FOXP1: variants seen among roughly 807,000 people sequenced by gnomAD.
The protein encoded by FOXP1 is forkhead box P1.
FOXP1 carries 15 observed loss-of-function variants against 98.2 expected under a neutral mutation model. That is an observed-to-expected ratio of 0.15 (90% CI 0.10 to 0.24). The LOEUF is 0.24. FOXP1 is among the 10% of genes least tolerant of loss of function. FOXP1 has a pLI of 1.00. For synonymous variants in FOXP1, 371 were observed against 314.5 expected (o/e 1.18, Z -1.90); for missense variants, 633 against 848.5 (o/e 0.75, Z 3.15).
At chr3:71,549,424 G>A (rs2045603536) in intron 2 of FOXP1, among the ~76,000 whole-genome samples, 1 of 152,148 alleles carries the variant, frequency 6.6e-6, no homozygotes, top group Non-Finnish European at 1.5e-5. Flanking sequence ...GCCCAGGCTG[G>A]AATACAGTGG....
intron 19 of FOXP1, 121 bp downstream of exon 19, chr3:70,970,615 T>G (rs1231495836): frequency 2.3e-6 from 2 of 885,698 alleles, no homozygotes; most frequent in Non-Finnish European, 3.8e-6. Flanking sequence ...TTTGTGCACT[T>G]AAGAAAAAAG....
chr3:71,495,589 G>A lies in FOXP1; in HGVS notation c.-297-2034C>T, dbSNP rs116676613. Among the ~76,000 whole-genome samples, 556 of 152,300 alleles carry A rather than the reference G, an allele frequency of 3.7e-3. 4 individuals are homozygous for A. The highest frequency in any genetic ancestry group is 0.012 in the African/African-American group (515 of 41,572). ...CATTATGTACTGGGTATTGTTTTAA[G>A]TCTTTTATAATCATTATTTCATTCT... On this transcript the variant is annotated intron_variant, in intron 2 of 20. Transcript: ENST00000649528.
chr3:71,583,487 T>G (rs1467063102), intron 1 of FOXP1, 84 bp downstream of exon 1: 10 of 959,860 alleles, frequency 1.0e-5, no homozygotes, highest in Middle Eastern at 5.3e-4. Flanking sequence ...TTGTGCTGGT[T>G]GTTGTTGTTG....
At chr3:71,370,255 A>T (rs888576961) in intron 3 of FOXP1, among the ~76,000 whole-genome samples, 1 of 152,196 alleles carries the variant, frequency 6.6e-6, no homozygotes, top group Non-Finnish European at 1.5e-5. Flanking sequence ...ACAGAAATAA[A>T]AGAATGCTAT....
At chr3:71,507,214 C>T (rs772597297) in intron 2 of FOXP1, among the ~76,000 whole-genome samples, 1 of 152,150 alleles carries the variant, frequency 6.6e-6, no homozygotes, top group Non-Finnish European at 1.5e-5. Context: ...GAAACAGGTA[C>T]TCTCATGCAC....
At chr3:71,406,399 G>GTATT (rs1328121401) in intron 3 of FOXP1, among the ~76,000 whole-genome samples, 1 of 56,128 alleles carries the variant, frequency 1.8e-5, no homozygotes, top group African/African-American at 5.1e-5. Context: ...CATAATAACT[G>GTATT]TATGTGTATA....
At chr3:71,530,718 A>G (rs1214616027) in intron 2 of FOXP1, among the ~76,000 whole-genome samples, 1 of 152,228 alleles carries the variant, frequency 6.6e-6, no homozygotes, top group Non-Finnish European at 1.5e-5. Context: ...GTTCATGACA[A>G]CAAGGTAGGT....
chr3:70,975,432 T>C (rs957028684), intron 17 of FOXP1, among the ~76,000 whole-genome samples: 1 of 152,212 alleles, frequency 6.6e-6, no homozygotes, highest in African/African-American at 2.4e-5. Flanking sequence ...TTCACAGCTC[T>C]GTAAAGTTGA....
At chr3:71,083,855 T>C (rs2054723359) in intron 7 of FOXP1, among the ~76,000 whole-genome samples, 1 of 152,216 alleles carries the variant, frequency 6.6e-6, no homozygotes. Flanking sequence ...CAGTCTGAGC[T>C]GGGTTTTGAC....
intron 7 of FOXP1, among the ~76,000 whole-genome samples, chr3:71,111,770 C>A (rs2057949044): frequency 6.6e-6 from 1 of 152,172 alleles, no homozygotes; most frequent in Admixed American, 6.5e-5. Flanking sequence ...TGCCTGAAAT[C>A]AGAAGTTGCT....
intron 19 of FOXP1, chr3:70,969,599 C>T (rs966421151): frequency 3.3e-5 from 5 of 152,260 alleles, no homozygotes; most frequent in Non-Finnish European, 5.9e-5. Context: ...CCTTCCTCAT[C>T]CTGTTCCCAT....
At chr3:70,960,288 C>A (rs1481145937) in intron 20 of FOXP1, among the ~76,000 whole-genome samples, 5 of 152,066 alleles carry the variant, frequency 3.3e-5, no homozygotes, top group Non-Finnish European at 1.5e-5. Context: ...AAGCAGAGCC[C>A]CAATCAGAAT....
chr3:71,414,014 TC>T (rs2082998930), intron 3 of FOXP1, among the ~76,000 whole-genome samples: 2 of 151,928 alleles, frequency 1.3e-5, no homozygotes, highest in South Asian at 4.2e-4. Flanking sequence ...TTCAAAGCCA[TC>T]CATCCATCCC....
chr3:71,343,954 T>C (rs1047457002), intron 4 of FOXP1, among the ~76,000 whole-genome samples: 4 of 152,336 alleles, frequency 2.6e-5, no homozygotes, highest in East Asian at 1.9e-4. Context: ...GGTTTTTTCA[T>C]TGGTCTTAAA....
intron 13 of FOXP1, among the ~76,000 whole-genome samples, chr3:71,000,436 C>T (rs1427290189): frequency 6.6e-6 from 1 of 152,014 alleles, no homozygotes; most frequent in Non-Finnish European, 1.5e-5. Context: ...GAGAAATAAA[C>T]CCACATATAA....
intron 14 of FOXP1, among the ~76,000 whole-genome samples, chr3:70,980,807 T>TCAAA (rs1575834723): frequency 6.6e-6 from 1 of 152,138 alleles, no homozygotes; most frequent in Non-Finnish European, 1.5e-5. Flanking sequence ...GCGCTTACCA[T>TCAAA]CAAACACATA....
chr3:71,236,287 T>TA (rs1560163453), intron 5 of FOXP1, among the ~76,000 whole-genome samples: 34 of 152,316 alleles, frequency 2.2e-4, no homozygotes, highest in African/African-American at 7.7e-4. Context: ...GGATTACCTC[T>TA]TTAGTGTTTC....
chr3:71,106,207 A>G (rs949128009), intron 7 of FOXP1, among the ~76,000 whole-genome samples: 27 of 152,382 alleles, frequency 1.8e-4, no homozygotes, highest in African/African-American at 6.3e-4. Context: ...CTAAACATTC[A>G]TTATCTATCA....
At position 71,581,571 on chromosome 3, in the gene FOXP1, AG is replaced by A. The variant is rs1284192499; in HGVS notation, c.-321del. 6.1e-6 allele frequency: 6 copies of A among 985,322 alleles called. No homozygotes were observed. Among genetic ancestry groups the A allele is most frequent in the Admixed American group, 1.2e-4 (2 of 16,264 alleles). 61.0% of individuals were successfully genotyped at this position (985,322 alleles called of 1,614,324 possible). A position where few individuals can be genotyped will look rare whatever the true frequency, so the allele number is the denominator to read the frequency against. The stretch of plus-strand genomic sequence containing the variant: ...TACCCGCGGAGTCCGGGGAGGGAGT[AG>A]GAGCGCCGCCTTCACGCCCGCGGAG... On this transcript the variant is annotated 5_prime_UTR_variant, in exon 2 of 21. Transcript: ENST00000649528.
Sources: gnomAD v4.1 joint callset for allele counts (sites outside exome capture counted in the v4.1 genomes callset) on GRCh38, gnomAD v4.1.1 for gene constraint, MANE v1.5 for transcripts, NCBI Gene and HGNC (gene_info 2026-07-23, HGNC 2026-07-21) for gene names.